COPA: variants seen among roughly 807,000 people sequenced by gnomAD.
COPA encodes coat protein complex I subunit alpha, also known as coatomer subunit alpha.
COPA carries 10 observed loss-of-function variants against 158.7 expected under a neutral mutation model. That is an observed-to-expected ratio of 0.06 (90% CI 0.04 to 0.11). COPA has a LOEUF of 0.11. Ranked by LOEUF, COPA falls within the 10% of genes least tolerant of loss-of-function variation. COPA has a pLI of 1.00. For synonymous variants in COPA, 462 were observed against 542.8 expected, an observed-to-expected ratio of 0.85 and a Z score of 2.07; for missense variants, 1,065 against 1,536.7, an observed-to-expected ratio of 0.69 and a Z score of 5.13.
chr1:160,318,479 A>C (rs1047627087), intron 8 of COPA, among the ~76,000 whole-genome samples: 8 of 72,624 alleles, frequency 1.1e-4, no homozygotes, highest in East Asian at 6.9e-4. Context: ...AAAAAAAAAA[A>C]AAAAAAAAAA....
rs1658206162 is a variant in COPA, at chr1:160,290,819, G to A, written c.3421-133C>T. ...TGCGTGAAAAGAGGTCCCAACCTCT[G>A]TACTGGATGTATGTGAAGGGTTAAC... On this transcript the variant is annotated intron_variant, in intron 31 of 32. Transcript: ENST00000241704. The A allele has an allele frequency of 3.9e-6, 3 of 777,778 alleles. No homozygotes were observed. In the South Asian group the frequency reaches 4.9e-5, roughly 13 times the overall value. 48.2% of individuals were successfully genotyped at this position (777,778 alleles called of 1,614,324 possible). A position where few individuals can be genotyped will look rare whatever the true frequency, so the allele number is the denominator to read the frequency against.
intron 3 of COPA, among the ~76,000 whole-genome samples, chr1:160,336,592 G>C (rs74123116): frequency 0.033 from 5,023 of 152,156 alleles, 275 homozygotes; most frequent in African/African-American, 0.12. Context: ...AGGCATCAAT[G>C]AACACAACTG....
chr1:160,307,084 C>A, intron 14 of COPA, 79 bp downstream of exon 14: 1 of 1,396,958 alleles, frequency 7.2e-7, no homozygotes, highest in Non-Finnish European at 1.0e-6. Flanking sequence ...ACAGAAAAAA[C>A]AATGGTCTTT....
intron 1 of COPA, among the ~76,000 whole-genome samples, chr1:160,340,911 C>G (rs1313086288): frequency 2.0e-5 from 3 of 152,150 alleles, no homozygotes; most frequent in Non-Finnish European, 4.4e-5. Flanking sequence ...CTTTGCTTCC[C>G]CACACTCTAA....
intron 15 of COPA, 53 bp downstream of exon 15, chr1:160,306,301 G>A: frequency 6.6e-7 from 1 of 1,522,254 alleles, no homozygotes; most frequent in Admixed American, 2.2e-5. Flanking sequence ...CACTAAAGAT[G>A]TCCACTCTCC....
intron 8 of COPA, among the ~76,000 whole-genome samples, chr1:160,316,082 G>A (rs371809466): frequency 6.6e-6 from 1 of 152,212 alleles, no homozygotes; most frequent in South Asian, 2.1e-4. Context: ...CAGTCAGGCT[G>A]GGCATGGTGG....
chr1:160,342,441 G>A (rs1009661893), intron 1 of COPA, among the ~76,000 whole-genome samples: 1 of 152,068 alleles, frequency 6.6e-6, no homozygotes, highest in African/African-American at 2.4e-5. Context: ...TCGAGCTCTA[G>A]AGCTGCCGTA....
At chr1:160,293,730 A>G (rs1027608150) in intron 25 of COPA, among the ~76,000 whole-genome samples, 27 of 152,120 alleles carry the variant, frequency 1.8e-4, no homozygotes, top group African/African-American at 5.6e-4. Context: ...TCCTGAGTTC[A>G]AGTGATCTGC....
At chr1:160,293,536 C>T in intron 25 of COPA, 73 bp from the exon 26 acceptor site, 2 of 1,194,174 alleles carry the variant, frequency 1.7e-6, no homozygotes, top group Non-Finnish European at 2.3e-6. Context: ...ACTCTGTCAC[C>T]TAGACTGGAG....
At position 160,289,044 on chromosome 1, in the gene COPA, T is replaced by C. The variant is rs1236357511; in HGVS notation, c.*1113A>G. Among the ~76,000 whole-genome samples the C allele has an allele frequency of 2.0e-5, 3 of 151,900 alleles. No homozygotes were observed. The highest frequency in any genetic ancestry group is 4.8e-5 in the African/African-American group (2 of 41,324). On this transcript the variant is annotated 3_prime_UTR_variant, in exon 33 of 33. Coordinates refer to ENST00000241704, the MANE Select transcript of COPA (RefSeq NM_004371.4). ...GGAGTGCGGTGGCGCGATCTCAGCT[T>C]ACTGCAACCTCCGCCTCCCGGGTTC...
Position 160,291,563 on chromosome 1 carries a change from G to A in COPA, c.3259-67C>T, listed in dbSNP as rs577719950. 18 of 1,544,720 alleles carry A rather than the reference G, an allele frequency of 1.2e-5. 1 individual carries two copies. The South Asian group carries it at 2.0e-4, about 17-fold the overall frequency. On this transcript the variant is annotated intron_variant, in intron 30 of 32. Transcript: ENST00000241704. ...ACCTGGTAGAAGTCATTTCTAAGCT[G>A]CTACACATGCATAAAAAACACAACA...
At chr1:160,335,506 G>A (rs1272074757) in intron 3 of COPA, among the ~76,000 whole-genome samples, 184 bp from the exon 4 acceptor site, 1 of 152,024 alleles carries the variant, frequency 6.6e-6, no homozygotes, top group Non-Finnish European at 1.5e-5. Flanking sequence ...AGATTTGAGG[G>A]GAAAAGAACA....
intron 3 of COPA, among the ~76,000 whole-genome samples, chr1:160,338,387 C>T (rs2101878498): frequency 6.6e-6 from 1 of 152,280 alleles, no homozygotes; most frequent in South Asian, 2.1e-4. Context: ...CTCTTTACTC[C>T]CATCACCTAA....
Position 160,309,135 on chromosome 1 carries a change from G to A in COPA, c.1185C>T (p.Thr395=). Residue 395 remains threonine (T), a synonymous_variant, in exon 13 of 33, where the codon ACC becomes ACT. Transcript: ENST00000241704. ...NLENSTYDLY[T]IPKDADSQNP... ...TCTGGGAGTCAGCATCTTTAGGGATGGTGTACAGGTCATAGGTACTATTCT... is the reference window on the plus strand; with the variant it reads ...TCTGGGAGTCAGCATCTTTAGGGATAGTGTACAGGTCATAGGTACTATTCT... 1 of 1,613,700 alleles carries A rather than the reference G, an allele frequency of 6.2e-7. No homozygotes were observed. The highest frequency in any genetic ancestry group is 1.6e-4 in the Middle Eastern group (1 of 6,062).
chr1:160,321,010 G>T (rs75990802), intron 8 of COPA, among the ~76,000 whole-genome samples: 5,032 of 152,138 alleles, frequency 0.033, 277 homozygotes, highest in African/African-American at 0.12. Context: ...CTAAGATCAA[G>T]TGGGATTCAT....
chr1:160,292,258 C>T, intron 28 of COPA, 60 bp from the exon 29 acceptor site: 1 of 1,575,272 alleles, frequency 6.3e-7, no homozygotes. Flanking sequence ...GACCCAATTT[C>T]CTTTTCTGGC....
In COPA at chr1:160,289,437, A is replaced by G. The variant is rs1658145680; in HGVS notation, c.*720T>C. On this transcript the variant is annotated 3_prime_UTR_variant, in exon 33 of 33. Transcript: ENST00000241704. ...CCTTGAAATTTAAATGTCTAAGGAA[A>G]ATGGGAGATGATTAAGAGTTGGTGT... The G allele has an allele frequency of 6.6e-6, 1 of 152,126 alleles. No homozygotes were observed. The highest frequency in any genetic ancestry group is 2.1e-4 in the South Asian group (1 of 4,832). The allele number at this position is 152,126 out of a possible 1,614,324, so 9.4% of individuals were successfully genotyped here. A position where few individuals can be genotyped will look rare whatever the true frequency, so the allele number is the denominator to read the frequency against.
In COPA at chr1:160,297,462, G is replaced by A. The variant is rs773424513; in HGVS notation, c.2168-24C>T. On this transcript the variant is annotated intron_variant, in intron 20 of 32. Coordinates refer to ENST00000241704, the MANE Select transcript of COPA (RefSeq NM_004371.4). ...AGCTGCACCAAGTAAGAGACACCAAGTTAGGTCTTTTCTCTTAAGTTCTCT... is the reference window on the plus strand; with the variant it reads ...AGCTGCACCAAGTAAGAGACACCAAATTAGGTCTTTTCTCTTAAGTTCTCT... 3.1e-6 allele frequency: 5 copies of A among 1,612,818 alleles called. No individual in the cohort carries two copies. In the Admixed American group the frequency reaches 6.7e-5, roughly 22 times the overall value.
chr1:160,306,837 T>C (rs1486537600), intron 14 of COPA, among the ~76,000 whole-genome samples: 1 of 152,160 alleles, frequency 6.6e-6, no homozygotes, highest in African/African-American at 2.4e-5. Flanking sequence ...ACATTTCAAG[T>C]AACAATGGAG....
Sources: allele counts gnomAD v4.1 joint callset (sites outside exome capture counted in the v4.1 genomes callset), GRCh38; gene constraint gnomAD v4.1.1; transcripts MANE v1.5; gene names NCBI Gene and HGNC (gene_info 2026-07-23, HGNC 2026-07-21).